GPC6: variants seen among roughly 807,000 people sequenced by gnomAD.
GPC6 encodes the protein glypican-6.
In GPC6, 14 loss-of-function variants were observed where a neutral mutation model predicts 55.2. The ratio of observed to expected loss-of-function variants is 0.25; its 90% CI spans 0.17 to 0.40. The LOEUF is 0.40. Among genes scored for constraint, GPC6 ranks in the 10% least tolerant of loss-of-function variants. GPC6 has a pLI of 1.00. For missense variants in GPC6, 641 were observed against 708.5 expected (o/e 0.90, Z 1.08); for synonymous variants, 278 against 259.6 (o/e 1.07, Z -0.68).
intron 2 of GPC6, among the ~76,000 whole-genome samples, chr13:93,616,759 A>G (rs1878740499): frequency 6.6e-6 from 1 of 152,134 alleles, no homozygotes; most frequent in Non-Finnish European, 1.5e-5. Context: ...AACAATTCCC[A>G]CAACCAATCT....
chr13:93,672,227 G>T (rs1881389722), intron 2 of GPC6, among the ~76,000 whole-genome samples: 1 of 149,910 alleles, frequency 6.7e-6, no homozygotes, highest in Non-Finnish European at 1.5e-5. Context: ...GTGTGTGTGT[G>T]TGTGTATATA....
rs566900176 is a variant in GPC6 at position 93,666,063 on chromosome 13, C to CTAA, written c.319+120644_319+120646dup. On this transcript the variant is annotated intron_variant, in intron 2 of 8. Coordinates refer to ENST00000377047, the MANE Select transcript of GPC6 (RefSeq NM_005708.5). ...AGCAGAACACTCAACTCAGCATATA[C>CTAA]TAATTGTTGAATGAACTGAAGCTAT... 4.6e-5 allele frequency among the ~76,000 whole-genome samples: 7 copies of CTAA among 152,248 alleles called. No homozygotes were observed. In the South Asian group the frequency reaches 1.5e-3, roughly 32 times the overall value.
intron 1 of GPC6, among the ~76,000 whole-genome samples, chr13:93,412,923 G>C (rs1311905949): frequency 1.3e-5 from 2 of 152,222 alleles, no homozygotes; most frequent in African/African-American, 2.4e-5. Flanking sequence ...GTGATGATTA[G>C]AAAATAAATT....
At chr13:94,328,820 A>C (rs1055392791) in intron 6 of GPC6, among the ~76,000 whole-genome samples, 1 of 152,186 alleles carries the variant, frequency 6.6e-6, no homozygotes, top group African/African-American at 2.4e-5. Flanking sequence ...GAGCCCCTGC[A>C]TCACTATGTG....
intron 2 of GPC6, 77 bp from the exon 3 acceptor site, chr13:93,830,077 G>A: frequency 1.0e-6 from 1 of 990,906 alleles, no homozygotes; most frequent in Non-Finnish European, 1.5e-6. Flanking sequence ...ATTAAAAGCA[G>A]TTGTACTTAA....
chr13:93,959,074 G>A (rs981951782), intron 3 of GPC6, among the ~76,000 whole-genome samples: 15 of 151,914 alleles, frequency 9.9e-5, no homozygotes, highest in African/African-American at 2.7e-4. Context: ...GTAGCCTTTC[G>A]ACAGCACCTT....
intron 4 of GPC6, among the ~76,000 whole-genome samples, chr13:94,152,626 C>T (rs903078949): frequency 1.3e-5 from 2 of 151,710 alleles, no homozygotes; most frequent in South Asian, 2.1e-4. Context: ...TTAACACTTA[C>T]GGCATATTGC....
At chr13:93,804,000 A>C (rs1269506911) in intron 2 of GPC6, among the ~76,000 whole-genome samples, 4 of 152,170 alleles carry the variant, frequency 2.6e-5, no homozygotes, top group Non-Finnish European at 5.9e-5. Flanking sequence ...TGATGGTTGC[A>C]CATCCTAGAG....
intron 3 of GPC6, among the ~76,000 whole-genome samples, chr13:93,899,641 C>A (rs1451145805): frequency 6.6e-6 from 1 of 151,950 alleles, no homozygotes; most frequent in Admixed American, 6.6e-5. Flanking sequence ...AAATGGTTGG[C>A]AGTACAATTT....
At chr13:94,358,771 T>C (rs8002396) in intron 6 of GPC6, among the ~76,000 whole-genome samples, 25,855 of 152,166 alleles carry the variant, frequency 0.17, 3,037 homozygotes, top group African/African-American at 0.32. Context: ...AAAGCTCTTT[T>C]CCTTGTAAAG....
chr13:94,316,689 C>G (rs1262074643), intron 6 of GPC6, among the ~76,000 whole-genome samples: 1 of 147,284 alleles, frequency 6.8e-6, no homozygotes, highest in Non-Finnish European at 1.5e-5. Context: ...TGCACTCCAG[C>G]CTGGGCGACA....
chr13:93,454,706 G>A (rs2139306364), intron 1 of GPC6, among the ~76,000 whole-genome samples: 1 of 152,340 alleles, frequency 6.6e-6, no homozygotes, highest in African/African-American at 2.4e-5. Context: ...ACCAGACTCA[G>A]GAGCCCAGCT....
chr13:93,311,985 C>A (rs1185055695), intron 1 of GPC6, among the ~76,000 whole-genome samples: 5 of 152,114 alleles, frequency 3.3e-5, no homozygotes, highest in African/African-American at 1.2e-4. Context: ...CACACCTTAA[C>A]AGAATAACTC....
Position 93,692,822 on chromosome 13 carries a change from C to A in GPC6, c.320-137332C>A, listed in dbSNP as rs376274143. On this transcript the variant is annotated intron_variant, in intron 2 of 8. Coordinates refer to ENST00000377047, the MANE Select transcript of GPC6 (RefSeq NM_005708.5). ...ATATAATCAGTAACACATAAAATTT[C>A]TCTTCTTACATCTCTCTTAATTTTA... 1.1e-4 allele frequency among the ~76,000 whole-genome samples: 16 copies of A among 152,162 alleles called. No homozygotes were observed. In the South Asian group the frequency reaches 2.1e-3, roughly 20 times the overall value.
chr13:93,933,823 GT>G (rs1223463286), intron 3 of GPC6, among the ~76,000 whole-genome samples: 1 of 152,100 alleles, frequency 6.6e-6, no homozygotes, highest in East Asian at 1.9e-4. Context: ...ACCAACTATT[GT>G]TTAGAAAATC....
chr13:94,149,841 T>C (rs1887677796), intron 4 of GPC6, among the ~76,000 whole-genome samples: 1 of 152,008 alleles, frequency 6.6e-6, no homozygotes, highest in South Asian at 2.1e-4. Flanking sequence ...CTTCACACAC[T>C]TCGCACGTTC....
At chr13:93,861,702 G>C (rs1004495733) in intron 3 of GPC6, among the ~76,000 whole-genome samples, 3 of 151,466 alleles carry the variant, frequency 2.0e-5, no homozygotes, top group African/African-American at 7.3e-5. Context: ...ATTTCACATT[G>C]GTATATGAGC....
At chr13:94,254,604 A>G (rs1891450842) in intron 4 of GPC6, among the ~76,000 whole-genome samples, 1 of 152,132 alleles carries the variant, frequency 6.6e-6, no homozygotes, top group Non-Finnish European at 1.5e-5. Flanking sequence ...TCACTTTAGA[A>G]TGATTGGGAG....
chr13:94,303,569 T>C (rs536812769), intron 5 of GPC6, among the ~76,000 whole-genome samples: 7 of 152,276 alleles, frequency 4.6e-5, no homozygotes, highest in African/African-American at 1.7e-4. Context: ...TGACAGATTG[T>C]TATGTAGGTC....
Sources: gnomAD v4.1 joint callset for allele counts (sites outside exome capture counted in the v4.1 genomes callset) on GRCh38, gnomAD v4.1.1 for gene constraint, MANE v1.5 for transcripts, NCBI Gene and HGNC (gene_info 2026-07-23, HGNC 2026-07-21) for gene names.